SH2D4A: variants seen among roughly 807,000 people sequenced by gnomAD.
The protein encoded by SH2D4A is SH2 domain containing 4A, also known as SH2 domain-containing protein 4A.
Under a neutral mutation model 64.7 loss-of-function variants are expected in SH2D4A, and 70 were observed. The observed-to-expected ratio is 1.08, with a 90% confidence interval of 0.89 to 1.32. The LOEUF is 1.32. Ranked by LOEUF, SH2D4A falls within the 40% of genes most tolerant of loss-of-function variation. The pLI is 0.00. For synonymous variants in SH2D4A, 268 were observed against 200.7 expected (o/e 1.34, Z -2.83); for missense variants, 706 against 540.1 (o/e 1.31, Z -3.04).
chr8:19,337,584 A>G (rs2052463126), intron 4 of SH2D4A, among the ~76,000 whole-genome samples: 1 of 152,178 alleles, frequency 6.6e-6, no homozygotes, highest in African/African-American at 2.4e-5. Context: ...CTGCTGATAA[A>G]GACATACCCA....
chr8:19,364,141 G>A lies in SH2D4A; in HGVS notation c.776G>A (p.Arg259Lys), dbSNP rs1053693489. 1.2e-6 allele frequency: 2 copies of A among 1,614,018 alleles called. No homozygotes were observed. Among genetic ancestry groups the A allele is most frequent in the African/African-American group, 2.7e-5 (2 of 74,922 alleles). Reference sequence around the variant, plus strand: ...AAACAAGCACGAGAAGACTACAAGAGGTTATCCCTCGGGGCCCAGAAAGGA... The same window carrying A: ...AAACAAGCACGAGAAGACTACAAGAAGTTATCCCTCGGGGCCCAGAAAGGA... The part of the protein sequence containing the change: ...LAKQAREDYK[R>K]LSLGAQKGRG... The change falls in exon 7 of 10, where the codon AGG becomes AAG. Residue 259 changes from arginine (R) to lysine (K), a missense_variant. Transcript: ENST00000265807.
At chr8:19,389,306 C>G (rs1440183918) in intron 8 of SH2D4A, among the ~76,000 whole-genome samples, 1 of 152,130 alleles carries the variant, frequency 6.6e-6, no homozygotes, top group East Asian at 1.9e-4. Context: ...GGGGCCTTTC[C>G]TGGGCAAAAT....
chr8:19,353,956 A>G (rs982508498), intron 4 of SH2D4A, among the ~76,000 whole-genome samples: 2 of 151,576 alleles, frequency 1.3e-5, no homozygotes, highest in African/African-American at 4.9e-5. Flanking sequence ...AAGTGTTTAA[A>G]TAGAAGGATT....
At chr8:19,342,129 T>C (rs922230455) in intron 4 of SH2D4A, among the ~76,000 whole-genome samples, 8 of 152,158 alleles carry the variant, frequency 5.3e-5, no homozygotes, top group African/African-American at 1.7e-4. Context: ...GTCCAAATAA[T>C]GGAAAAATAT....
intron 8 of SH2D4A, among the ~76,000 whole-genome samples, chr8:19,379,748 C>G (rs994499406): frequency 1.3e-5 from 2 of 152,008 alleles, no homozygotes; most frequent in African/African-American, 4.8e-5. Context: ...CCTTTTTTCT[C>G]TTTTAAGAGA....
At chr8:19,371,791 T>C (rs888149278) in intron 7 of SH2D4A, among the ~76,000 whole-genome samples, 1 of 152,222 alleles carries the variant, frequency 6.6e-6, no homozygotes, top group Non-Finnish European at 1.5e-5. Flanking sequence ...AAATAGCCTG[T>C]CTTCTGGCTC....
chr8:19,384,527 G>C (rs993299530), intron 8 of SH2D4A, among the ~76,000 whole-genome samples: 1 of 151,916 alleles, frequency 6.6e-6, no homozygotes, highest in African/African-American at 2.4e-5. Context: ...TTTTATTCTT[G>C]CATCTGATAG....
chr8:19,325,484 A>G (rs1217003767), intron 2 of SH2D4A, among the ~76,000 whole-genome samples: 1 of 152,184 alleles, frequency 6.6e-6, no homozygotes, highest in Non-Finnish European at 1.5e-5. Context: ...ACTGGCCCTG[A>G]GCCCCACTTT....
At chr8:19,391,891 A>G (rs577342585) in intron 8 of SH2D4A, among the ~76,000 whole-genome samples, 7 of 152,298 alleles carry the variant, frequency 4.6e-5, no homozygotes, top group Non-Finnish European at 5.9e-5. Context: ...TCCTGATAAT[A>G]AGGTACTGAG....
intron 2 of SH2D4A, among the ~76,000 whole-genome samples, 182 bp from the exon 3 acceptor site, chr8:19,332,773 T>G (rs2052383832): frequency 6.6e-6 from 1 of 151,374 alleles, no homozygotes; most frequent in Non-Finnish European, 1.5e-5. Flanking sequence ...TGAAGCTGCC[T>G]CTCACTGCCA....
At chr8:19,374,411 C>T (rs2053160233) in intron 8 of SH2D4A, among the ~76,000 whole-genome samples, 2 of 152,092 alleles carry the variant, frequency 1.3e-5, no homozygotes, top group African/African-American at 4.8e-5. Context: ...GCTATATGGA[C>T]AACAAAAGGT....
At chr8:19,322,962 A>C (rs2052216949) in intron 2 of SH2D4A, among the ~76,000 whole-genome samples, 1 of 152,136 alleles carries the variant, frequency 6.6e-6, no homozygotes, top group Admixed American at 6.5e-5. Context: ...CGCATGACCC[A>C]CCGTGCCCGA....
chr8:19,345,415 G>A (rs750022889), intron 4 of SH2D4A, among the ~76,000 whole-genome samples: 11 of 152,250 alleles, frequency 7.2e-5, no homozygotes, highest in Admixed American at 2.0e-4. Flanking sequence ...AAGAAGGGTT[G>A]CCATACCGTT....
chr8:19,330,520 C>G (rs1157991010), intron 2 of SH2D4A, among the ~76,000 whole-genome samples: 1 of 152,152 alleles, frequency 6.6e-6, no homozygotes, highest in African/African-American at 2.4e-5. Flanking sequence ...TGCTCCTCTC[C>G]TTTGCTCTCT....
At position 19,373,646 on chromosome 8, in the gene SH2D4A, C is replaced by A. The variant is rs754160856; in HGVS notation, c.1034C>A (p.Ala345Asp). Residue 345 changes from alanine to aspartate, a missense_variant, in exon 8 of 10, where the codon GCC becomes GAC. Physicochemically the swap from Ala to Asp is moderately radical, Grantham distance 126. Coordinates refer to ENST00000265807, the MANE Select transcript of SH2D4A (RefSeq NM_022071.4). ...AGYQKTSDTI[A>D]PWFHGILTLK... ...TACCAGAAAACCTCAGACACCATAG[C>A]CCCCTGGTTCCATGGTGAGTGCAGA... 6.2e-7 allele frequency: 1 copy of A among 1,612,910 alleles called. No individual in the cohort carries two copies. The highest frequency in any genetic ancestry group is 1.1e-5 in the South Asian group (1 of 91,002).
rs187266171 is a variant in SH2D4A at position 19,379,905 on chromosome 8, T to C, written c.1048+6245T>C. Among the ~76,000 whole-genome samples the C allele has an allele frequency of 3.0e-4, 46 of 152,202 alleles. No homozygotes were observed. In the East Asian group the frequency reaches 7.3e-3, roughly 24 times the overall value. On this transcript the variant is annotated intron_variant, in intron 8 of 9. Transcript: ENST00000265807. Reference sequence around the variant, plus strand: ...GTTCCAGTACCATGACTGGCTAATTTTTTTATTTTTTGTAGAGACAGGATC... The same window carrying C: ...GTTCCAGTACCATGACTGGCTAATTCTTTTATTTTTTGTAGAGACAGGATC...
intron 2 of SH2D4A, among the ~76,000 whole-genome samples, chr8:19,324,131 A>G (rs1318800321): frequency 6.6e-6 from 1 of 152,216 alleles, no homozygotes; most frequent in Non-Finnish European, 1.5e-5. Context: ...TCGCGTCAGG[A>G]ATCTGCCACA....
intron 7 of SH2D4A, among the ~76,000 whole-genome samples, chr8:19,371,764 T>C (rs2053103033): frequency 6.6e-6 from 1 of 152,198 alleles, no homozygotes; most frequent in African/African-American, 2.4e-5. Context: ...TTTTCTTTTT[T>C]ATCTCTGTGT....
intron 2 of SH2D4A, among the ~76,000 whole-genome samples, chr8:19,326,490 T>A (rs1176958581): frequency 6.6e-6 from 1 of 152,180 alleles, no homozygotes; most frequent in Non-Finnish European, 1.5e-5. Context: ...CCACTGTAGT[T>A]AATATGGAAC....
Sources: allele counts gnomAD v4.1 joint callset (sites outside exome capture counted in the v4.1 genomes callset), GRCh38; gene constraint gnomAD v4.1.1; transcripts MANE v1.5; gene names NCBI Gene and HGNC (gene_info 2026-07-23, HGNC 2026-07-21).